CBFA2T2: variants seen among roughly 807,000 people sequenced by gnomAD.
The protein encoded by CBFA2T2 is CBFA2/RUNX1 partner transcriptional co-repressor 2, also known as protein CBFA2T2.
A neutral mutation model predicts 62.2 loss-of-function variants in CBFA2T2; 11 were observed. The ratio of observed to expected loss-of-function variants is 0.18; its 90% CI spans 0.11 to 0.29. The LOEUF is 0.29. Ranked by LOEUF, CBFA2T2 falls within the 10% of genes least tolerant of loss-of-function variation. CBFA2T2 has a pLI of 1.00. For synonymous variants in CBFA2T2, 295 were observed against 287.5 expected, an observed-to-expected ratio of 1.03 and a Z score of -0.27; for missense variants, 592 against 774.1, an observed-to-expected ratio of 0.76 and a Z score of 2.79.
At chr20:33,629,262 C>A (rs1330612412) in intron 7 of CBFA2T2, among the ~76,000 whole-genome samples, 1 of 152,134 alleles carries the variant, frequency 6.6e-6, no homozygotes, top group East Asian at 1.9e-4. Context: ...ATTCAACCCC[C>A]CAAAATTGTT....
chr20:33,557,824 T>TTC (rs1251847883), intron 1 of CBFA2T2, among the ~76,000 whole-genome samples: 1 of 151,924 alleles, frequency 6.6e-6, no homozygotes, highest in Non-Finnish European at 1.5e-5. Flanking sequence ...GGTCTTTTAT[T>TTC]TCTCTCTCTT....
intron 1 of CBFA2T2, among the ~76,000 whole-genome samples, chr20:33,600,182 G>GTTGTTTTTTT (rs1568844383): frequency 1.6e-5 from 1 of 62,066 alleles, no homozygotes; most frequent in Non-Finnish European, 3.1e-5. Flanking sequence ...CTTTTGGAAA[G>GTTGTTTTTTT]TTTTTTTTTT....
chr20:33,588,327 A>G (rs1432676034), intron 1 of CBFA2T2, among the ~76,000 whole-genome samples: 2 of 151,542 alleles, frequency 1.3e-5, no homozygotes, highest in Non-Finnish European at 2.9e-5. Context: ...ACTATTTTTT[A>G]TAAATAGAAT....
intron 2 of CBFA2T2, among the ~76,000 whole-genome samples, chr20:33,609,112 C>T (rs994277987): frequency 2.0e-5 from 3 of 152,176 alleles, no homozygotes; most frequent in Non-Finnish European, 4.4e-5. Flanking sequence ...ACACTGTATA[C>T]ACAACTTATA....
chr20:33,592,082 G>C (rs2014670498), intron 1 of CBFA2T2, among the ~76,000 whole-genome samples: 1 of 152,144 alleles, frequency 6.6e-6, no homozygotes, highest in Non-Finnish European at 1.5e-5. Flanking sequence ...AACGACATAG[G>C]CCGGGCCCAG....
In CBFA2T2 at chr20:33,645,008, G is replaced by GAGGCGGCAGGCGGC. The variant is rs1203627449; in HGVS notation, c.*367_*380dup. 3 of 206,312 alleles carry GAGGCGGCAGGCGGC rather than the reference G, an allele frequency of 1.5e-5. No homozygotes were observed. Among genetic ancestry groups the GAGGCGGCAGGCGGC allele is most frequent in the Non-Finnish European group, 2.9e-5 (3 of 103,376 alleles). The allele number at this position is 206,312 out of a possible 1,614,324, so 12.8% of individuals were successfully genotyped here. On this transcript the variant is annotated 3_prime_UTR_variant, in exon 11 of 11. Coordinates refer to ENST00000342704, the MANE Select transcript of CBFA2T2 (RefSeq NM_001032999.3). ...CTGTCCAATGTGCTCAGCCAGGCTG[G>GAGGCGGCAGGCGGC]AGGCGGCAGGCGGCAGGCAGCAGGC...
chr20:33,539,885 A>T (rs1312924279), intron 1 of CBFA2T2, among the ~76,000 whole-genome samples: 3 of 151,556 alleles, frequency 2.0e-5, no homozygotes, highest in African/African-American at 7.3e-5. Context: ...TATTGTAGAG[A>T]TGCAGTCTTG....
At chr20:33,560,887 C>T (rs2013062135) in intron 1 of CBFA2T2, among the ~76,000 whole-genome samples, 1 of 151,142 alleles carries the variant, frequency 6.6e-6, no homozygotes, top group Admixed American at 6.6e-5. Flanking sequence ...TTTGCTTTTG[C>T]TTTTTTTTTG....
chr20:33,632,642 T>A (rs1050897766), intron 8 of CBFA2T2, among the ~76,000 whole-genome samples: 1 of 151,716 alleles, frequency 6.6e-6, no homozygotes, highest in African/African-American at 2.4e-5. Flanking sequence ...CTGAGTTTTT[T>A]TTTTTTCAGT....
At chr20:33,553,320 G>A (rs1383016733) in intron 1 of CBFA2T2, among the ~76,000 whole-genome samples, 3 of 152,284 alleles carry the variant, frequency 2.0e-5, no homozygotes, top group South Asian at 2.1e-4. Context: ...TCCACCTCCC[G>A]GGTTCAAGCA....
intron 1 of CBFA2T2, among the ~76,000 whole-genome samples, chr20:33,555,368 G>C (rs982712727): frequency 2.0e-5 from 3 of 152,124 alleles, no homozygotes; most frequent in Non-Finnish European, 2.9e-5. Flanking sequence ...ATCATGGACT[G>C]ACACACATGT....
At chr20:33,579,030 T>A (rs1409120066) in intron 1 of CBFA2T2, among the ~76,000 whole-genome samples, 2 of 152,054 alleles carry the variant, frequency 1.3e-5, no homozygotes. Context: ...TATGCAATGA[T>A]TTTTAAAATA....
chr20:33,562,196 A>G (rs2013111855), intron 1 of CBFA2T2: 1 of 160,652 alleles, frequency 6.2e-6, no homozygotes, highest in African/African-American at 2.4e-5. Flanking sequence ...TAGGTTTTGC[A>G]CAATATCCTT....
At chr20:33,616,080 GA>G (rs2015696824) in intron 3 of CBFA2T2, among the ~76,000 whole-genome samples, 1 of 68,332 alleles carries the variant, frequency 1.5e-5, no homozygotes, top group Non-Finnish European at 3.1e-5. Context: ...TGTAGATAGA[GA>G]TAGATAGATA....
At chr20:33,529,317 G>A (rs187112230) in intron 1 of CBFA2T2, among the ~76,000 whole-genome samples, 4 of 152,158 alleles carry the variant, frequency 2.6e-5, no homozygotes, top group Non-Finnish European at 4.4e-5. Context: ...GAGCCACCGC[G>A]CCCAGTGCAC....
Position 33,522,036 on chromosome 20 carries a change from C to T in CBFA2T2, c.34+31735C>T, listed in dbSNP as rs184073521. ...TGGCAGGGAAGATCTGGGAAGTAAG[C>T]AAAAAGAGCCTTTAGTTAGGCAACA... On this transcript the variant is annotated intron_variant, in intron 1 of 10. Coordinates refer to ENST00000342704, the MANE Select transcript of CBFA2T2 (RefSeq NM_001032999.3). Among the ~76,000 whole-genome samples the T allele has an allele frequency of 6.5e-4, 98 of 151,476 alleles. 1 individual carries two copies. In the East Asian group the frequency reaches 0.015, roughly 24 times the overall value.
At chr20:33,527,930 G>T (rs1015524792) in intron 1 of CBFA2T2, among the ~76,000 whole-genome samples, 2 of 151,916 alleles carry the variant, frequency 1.3e-5, no homozygotes, top group African/African-American at 4.8e-5. Flanking sequence ...TTGCTGTGTT[G>T]TCAAGGCTGG....
chr20:33,622,908 C>T (rs1336806467), intron 4 of CBFA2T2, among the ~76,000 whole-genome samples: 3 of 152,178 alleles, frequency 2.0e-5, no homozygotes, highest in South Asian at 2.1e-4. Context: ...AGCATATTTA[C>T]ATCTGGTTGG....
At chr20:33,532,445 C>T (rs1355835078) in intron 1 of CBFA2T2, among the ~76,000 whole-genome samples, 1 of 152,162 alleles carries the variant, frequency 6.6e-6, no homozygotes, top group Admixed American at 6.5e-5. Flanking sequence ...TCTTTTTCAC[C>T]AGGCTATTTA....
Sources: allele counts gnomAD v4.1 joint callset (sites outside exome capture counted in the v4.1 genomes callset), GRCh38; gene constraint gnomAD v4.1.1; transcripts MANE v1.5; gene names NCBI Gene and HGNC (gene_info 2026-07-23, HGNC 2026-07-21).